The following ADGRV1 variants were observed in gnomAD, a reference collection of about 807,000 sequenced individuals.
The protein encoded by ADGRV1 is adhesion G protein-coupled receptor V1.
ADGRV1 carries 359 observed loss-of-function variants against 596.2 expected under a neutral mutation model. That is an observed-to-expected ratio of 0.60 (90% CI 0.55 to 0.66). The LOEUF (loss-of-function observed/expected upper bound fraction) is 0.66, where lower values mean the gene tolerates loss of function less well. Among genes scored for constraint, ADGRV1 ranks in the 30% least tolerant of loss-of-function variants. The probability of loss-of-function intolerance (pLI) is 0.00; values close to 1 mark genes in which losing one functional copy is unlikely to be tolerated. For missense variants in ADGRV1, 7,274 were observed against 7,575.6 expected, an observed-to-expected ratio of 0.96 and a Z score of 1.48; for synonymous variants, 2,681 against 2,679.2, an observed-to-expected ratio of 1.00 and a Z score of -0.02.
chr5:90,855,849 C>T lies in ADGRV1; in HGVS notation c.17703C>T (p.Asn5901=), dbSNP rs367771755. The change falls in exon 82 of 90, where the codon AAC becomes AAT. Residue 5901 remains asparagine, a synonymous_variant. Transcript: ENST00000405460. ...SVYAVYARTD[N]LSSYNEAFFT... ...ATGCTGTCTATGCTCGGACTGACAA[C>T]TTGTCTTCATACAATGAAGCCTTCT... The T allele has an allele frequency of 1.4e-5, 22 of 1,613,090 alleles. No homozygotes were observed. Among genetic ancestry groups the T allele is most frequent in the Non-Finnish European group, 1.9e-5 (22 of 1,179,288 alleles).
intron 83 of ADGRV1, among the ~76,000 whole-genome samples, chr5:90,908,838 C>A (rs1256761922): frequency 6.6e-6 from 1 of 151,986 alleles, no homozygotes; most frequent in Non-Finnish European, 1.5e-5. Flanking sequence ...ATACATGAAA[C>A]AAACAAACAA....
At chr5:90,762,272 C>T (rs1287666565) in intron 58 of ADGRV1, among the ~76,000 whole-genome samples, 4 of 152,144 alleles carry the variant, frequency 2.6e-5, no homozygotes, top group African/African-American at 9.7e-5. Flanking sequence ...CCTAATTAGA[C>T]TCCAGGCTCC....
At position 90,815,607 on chromosome 5, in the gene ADGRV1, T is replaced by G. The variant is rs2150250969; in HGVS notation, c.16079-12T>G. 7 of 1,414,546 alleles carry G rather than the reference T, an allele frequency of 4.9e-6. No homozygotes were observed. Among genetic ancestry groups the G allele is most frequent in the African/African-American group, 4.2e-5 (3 of 70,708 alleles). 87.6% of individuals were successfully genotyped at this position (1,414,546 alleles called of 1,614,324 possible). ...TCTTGAATATATTATAGCCCTCCAT[T>G]CTTTTTTTCAGGGAGTGACCTTCAC... On this transcript the variant is annotated splice_polypyrimidine_tract_variant and intron_variant, in intron 74 of 89. Coordinates refer to ENST00000405460, the MANE Select transcript of ADGRV1 (RefSeq NM_032119.4).
In ADGRV1 at chr5:90,773,868, T is replaced by C. The variant is rs185663417; in HGVS notation, c.12286-318T>C. The stretch of plus-strand genomic sequence containing the variant: ...TTGAATGGAGCTGTTTCTTATAAAG[T>C]CTATGACCTTTGTCTGTTTACATCA... On this transcript the variant is annotated intron_variant, in intron 59 of 89. Transcript: ENST00000405460. Among the ~76,000 whole-genome samples, 96 of 152,320 alleles carry C rather than the reference T, an allele frequency of 6.3e-4. 1 individual carries two copies. Among genetic ancestry groups the C allele is most frequent in the Middle Eastern group, 6.8e-3 (2 of 294 alleles).
intron 83 of ADGRV1, among the ~76,000 whole-genome samples, chr5:90,918,753 G>A (rs566909838): frequency 1.3e-5 from 2 of 152,260 alleles, no homozygotes; most frequent in African/African-American, 4.8e-5. Context: ...ACTCCACAAT[G>A]ATTATTTAAA....
In ADGRV1 at chr5:90,683,745, G is replaced by C. The variant is rs780386542; in HGVS notation, c.5824G>C (p.Glu1942Gln). The change falls in exon 28 of 90, where the codon GAA becomes CAA. Residue 1942 changes from glutamate to glutamine, a missense_variant. Transcript: ENST00000405460. ...TVEILPDEDP[E>Q]LDKAFSVSVL... ...GGAGATATTGCCTGACGAAGACCCAGAACTGGATAAGGCATTCTCTGTGTC... is the reference window on the plus strand; with the variant it reads ...GGAGATATTGCCTGACGAAGACCCACAACTGGATAAGGCATTCTCTGTGTC... 2 of 1,613,884 alleles carry C rather than the reference G, an allele frequency of 1.2e-6. No individual in the cohort carries two copies. Among genetic ancestry groups the C allele is most frequent in the South Asian group, 2.2e-5 (2 of 91,060 alleles).
chr5:90,889,700 C>T (rs4637585), intron 83 of ADGRV1, among the ~76,000 whole-genome samples: 70,800 of 151,628 alleles, frequency 0.47, 17,298 homozygotes, highest in African/African-American at 0.61. Context: ...AATTTGTTAT[C>T]AATACTCTTC....
chr5:91,121,895 T>A (rs1334342294), intron 87 of ADGRV1, among the ~76,000 whole-genome samples: 1 of 152,188 alleles, frequency 6.6e-6, no homozygotes, highest in Non-Finnish European at 1.5e-5. Flanking sequence ...TGCTAAATTA[T>A]GTTTCTTTTT....
intron 89 of ADGRV1, among the ~76,000 whole-genome samples, chr5:91,160,986 C>G (rs114975589): frequency 0.025 from 3,761 of 152,292 alleles, 162 homozygotes; most frequent in African/African-American, 0.085. Context: ...GCTTGTCTTT[C>G]TAGTGTGCCT....
At chr5:90,865,589 A>G (rs758607225) in intron 83 of ADGRV1, among the ~76,000 whole-genome samples, 8 of 152,148 alleles carry the variant, frequency 5.3e-5, no homozygotes, top group Non-Finnish European at 8.8e-5. Flanking sequence ...TGGCATGAAA[A>G]ATCATGTAGT....
chr5:91,145,358 A>T (rs1320952993), intron 87 of ADGRV1, among the ~76,000 whole-genome samples: 2 of 152,242 alleles, frequency 1.3e-5, no homozygotes, highest in East Asian at 1.9e-4. Flanking sequence ...TTGTTTCCCG[A>T]TCTAGCTTTT....
intron 37 of ADGRV1, 84 bp from the exon 38 acceptor site, chr5:90,706,147 T>C: frequency 7.8e-7 from 1 of 1,288,852 alleles, no homozygotes; most frequent in Admixed American, 2.4e-5. Context: ...AAAGGTGCTT[T>C]TAGGAAAGGC....
chr5:91,133,056 G>T (rs1386391679), intron 87 of ADGRV1, among the ~76,000 whole-genome samples: 1 of 152,182 alleles, frequency 6.6e-6, no homozygotes, highest in Non-Finnish European at 1.5e-5. Flanking sequence ...AGACTAGGGA[G>T]TGAGCTGATA....
chr5:90,601,847 G>A (rs922169222), intron 1 of ADGRV1, among the ~76,000 whole-genome samples: 2 of 152,178 alleles, frequency 1.3e-5, no homozygotes, highest in Admixed American at 6.5e-5. Flanking sequence ...GATACTGCTG[G>A]AGGCTATAAT....
rs539718493 is a variant in ADGRV1, at chr5:91,003,713, A to G, written c.18152+18191A>G. On this transcript the variant is annotated intron_variant, in intron 85 of 89. Transcript: ENST00000405460. ...TTTCATGAACAGAGGTACTGAAAGG[A>G]AAGAGTGCCAGAGGAATAAAAGTTT... 6.6e-5 allele frequency among the ~76,000 whole-genome samples: 10 copies of G among 152,322 alleles called. No individual in the cohort carries two copies. In the South Asian group the frequency reaches 1.9e-3, roughly 28 times the overall value.
At chr5:90,837,547 T>G (rs1765080208) in intron 77 of ADGRV1, among the ~76,000 whole-genome samples, 2 of 151,996 alleles carry the variant, frequency 1.3e-5, no homozygotes, top group Admixed American at 1.3e-4. Context: ...GTTTTTGTAT[T>G]TTTATAGAGG....
chr5:91,119,689 C>G (rs1209733875), intron 87 of ADGRV1, among the ~76,000 whole-genome samples: 1 of 152,186 alleles, frequency 6.6e-6, no homozygotes, highest in African/African-American at 2.4e-5. Context: ...TTGTAGCCAA[C>G]TTTAGGGCAA....
chr5:91,128,223 TATA>T (rs1339388093), intron 87 of ADGRV1, among the ~76,000 whole-genome samples: 1 of 151,852 alleles, frequency 6.6e-6, no homozygotes, highest in Non-Finnish European at 1.5e-5. Context: ...ACTCCTGCAA[TATA>T]ATATTTTCCC....
At chr5:90,621,390 T>C (rs1438626070) in intron 4 of ADGRV1, among the ~76,000 whole-genome samples, 1 of 152,224 alleles carries the variant, frequency 6.6e-6, no homozygotes, top group Non-Finnish European at 1.5e-5. Context: ...AACCTCAGTT[T>C]AGTAGAAATT....
Sources: gnomAD v4.1 joint callset for allele counts (sites outside exome capture counted in the v4.1 genomes callset) on GRCh38, gnomAD v4.1.1 for gene constraint, MANE v1.5 for transcripts, NCBI Gene and HGNC (gene_info 2026-07-23, HGNC 2026-07-21) for gene names.